Variants in ACSM2B observed in about 807,000 individuals in gnomAD.
ACSM2B encodes the protein acyl-CoA synthetase medium chain family member 2B.
ACSM2B carries 58 observed loss-of-function variants against 78.6 expected under a neutral mutation model. The ratio of observed to expected loss-of-function variants is 0.74; its 90% CI spans 0.60 to 0.92. The LOEUF is 0.92. Among genes scored for constraint, ACSM2B ranks in the 40% least tolerant of loss-of-function variants. The pLI, the probability that ACSM2B is intolerant of heterozygous loss-of-function variation, is 0.00. For missense variants in ACSM2B, 688 were observed against 711.2 expected (o/e 0.97, Z 0.37); for synonymous variants, 257 against 256.8 (o/e 1.00, Z -0.01).
intron 9 of ACSM2B, 117 bp downstream of exon 9, chr16:20,546,277 T>C (rs2015139470): frequency 6.9e-6 from 10 of 1,446,804 alleles, no homozygotes; most frequent in Middle Eastern, 3.7e-4. Context: ...TTTTTTCTGA[T>C]ATTATCTTAA....
intron 3 of ACSM2B, among the ~76,000 whole-genome samples, chr16:20,556,172 ATGC>A (rs1252740056): frequency 6.6e-6 from 1 of 152,168 alleles, no homozygotes; most frequent in African/African-American, 2.4e-5. Flanking sequence ...TGTGTTTAGC[ATGC>A]TGTACAATTT....
intron 3 of ACSM2B, among the ~76,000 whole-genome samples, chr16:20,558,027 G>A (rs1477349442): frequency 6.6e-6 from 1 of 152,164 alleles, no homozygotes; most frequent in Non-Finnish European, 1.5e-5. Context: ...GATTGAAACT[G>A]CCTTTGGAAA....
chr16:20,553,519 T>TAAAA (rs2015379647), intron 5 of ACSM2B, among the ~76,000 whole-genome samples: 2 of 152,220 alleles, frequency 1.3e-5, no homozygotes, highest in Non-Finnish European at 2.9e-5. Context: ...GTAAGCCTTT[T>TAAAA]GCTAATCATT....
At position 20,567,450 on chromosome 16, in the gene ACSM2B, T is replaced by G. The variant is rs190640479; in HGVS notation, c.-8-2597A>C. 4.7e-3 allele frequency among the ~76,000 whole-genome samples: 560 copies of G among 118,586 alleles called. 9 individuals are homozygous for G. The highest frequency in any genetic ancestry group is 0.033 in the South Asian group (145 of 4,424). The allele number at this position is 118,586 out of a possible 152,430, so 77.8% of individuals were successfully genotyped here. A position where few individuals can be genotyped will look rare whatever the true frequency, so the allele number is the denominator to read the frequency against. ...ATATTAATATATAATATATAGTATATTATTATATAACATATAATAATAGTA... is the reference window on the plus strand; with the variant it reads ...ATATTAATATATAATATATAGTATAGTATTATATAACATATAATAATAGTA... On this transcript the variant is annotated intron_variant, in intron 1 of 13. Coordinates refer to ENST00000329697, the MANE Select transcript of ACSM2B (RefSeq NM_001105069.2).
intron 6 of ACSM2B, among the ~76,000 whole-genome samples, chr16:20,548,964 T>C (rs1379795357): frequency 1.3e-5 from 2 of 152,234 alleles, no homozygotes; most frequent in Non-Finnish European, 2.9e-5. Context: ...AAGACATCTA[T>C]AGACATTTCA....
At chr16:20,567,493 A>AATATGTAAAAT (rs2015948366) in intron 1 of ACSM2B, among the ~76,000 whole-genome samples, 1 of 117,950 alleles carries the variant, frequency 8.5e-6, no homozygotes, top group Non-Finnish European at 1.6e-5. Flanking sequence ...ATATATAAAT[A>AATATGTAAAAT]ATATATAAAA....
intron 1 of ACSM2B, among the ~76,000 whole-genome samples, chr16:20,572,415 AGCTTGTAG>A (rs1287927375): frequency 2.2e-5 from 3 of 138,226 alleles, no homozygotes; most frequent in Non-Finnish European, 1.5e-5. Flanking sequence ...AATCCCTTCT[AGCTTGTAG>A]GATTTCTGCT....
intron 3 of ACSM2B, among the ~76,000 whole-genome samples, chr16:20,556,674 GC>G: frequency 6.6e-6 from 1 of 152,278 alleles, no homozygotes; most frequent in South Asian, 2.1e-4. Flanking sequence ...TAAACCACAT[GC>G]CCGTCCTGTT....
chr16:20,550,427 T>G (rs2015275598), intron 6 of ACSM2B, among the ~76,000 whole-genome samples: 1 of 152,156 alleles, frequency 6.6e-6, no homozygotes, highest in South Asian at 2.1e-4. Flanking sequence ...TCCTTAGTCT[T>G]TTCCACCCTA....
chr16:20,546,211 T>A (rs9929350), intron 9 of ACSM2B, among the ~76,000 whole-genome samples, 183 bp downstream of exon 9: 1 of 152,012 alleles, frequency 6.6e-6, no homozygotes, highest in African/African-American at 2.4e-5. Context: ...AAATCATTTC[T>A]CCTTTTCCTC....
chr16:20,554,681 G>A (rs1261786624), intron 4 of ACSM2B, among the ~76,000 whole-genome samples: 1 of 152,186 alleles, frequency 6.6e-6, no homozygotes, highest in Non-Finnish European at 1.5e-5. Flanking sequence ...GCCTCTCTTA[G>A]AGATACAAGA....
chr16:20,554,296 G>C (rs2015404640), intron 4 of ACSM2B: 2 of 386,852 alleles, frequency 5.2e-6, no homozygotes, highest in Admixed American at 7.7e-5. Context: ...GTTGTGAAGA[G>C]CCCTGGCATG....
At chr16:20,561,380 G>T (rs529246725) in intron 2 of ACSM2B, among the ~76,000 whole-genome samples, 1 of 151,120 alleles carries the variant, frequency 6.6e-6, no homozygotes, top group Admixed American at 6.6e-5. Context: ...CATGGAAGAA[G>T]GTGAGGGGGG....
At position 20,572,965 on chromosome 16, in the gene ACSM2B, A is replaced by C. The variant is rs541694830; in HGVS notation, c.-9+3242T>G. On this transcript the variant is annotated intron_variant, in intron 1 of 13. Transcript: ENST00000329697. ...TATTTCACTGAAGATTTCTCCCCTC[A>C]TAACTTGTATTTTTTTTTTTTTCCT... is the stretch of plus-strand genomic sequence containing the variant. 8.8e-5 allele frequency among the ~76,000 whole-genome samples: 12 copies of C among 137,142 alleles called. 1 individual carries two copies. The East Asian group carries it at 3.5e-3, about 40-fold the overall frequency. The allele number at this position is 137,142 out of a possible 152,430, so 90.0% of individuals were successfully genotyped here. A position where few individuals can be genotyped will look rare whatever the true frequency, so the allele number is the denominator to read the frequency against.
At chr16:20,565,884 C>G (rs2015811228) in intron 1 of ACSM2B, among the ~76,000 whole-genome samples, 1 of 151,856 alleles carries the variant, frequency 6.6e-6, no homozygotes. Context: ...CAATGTATAA[C>G]TTAGCTCCCA....
At chr16:20,543,420 C>G (rs1310928291) in intron 10 of ACSM2B, among the ~76,000 whole-genome samples, 158 bp from the exon 11 acceptor site, 2 of 152,230 alleles carry the variant, frequency 1.3e-5, no homozygotes, top group Non-Finnish European at 2.9e-5. Context: ...CAACCCTAGG[C>G]CACAGGCAGA....
chr16:20,567,578 T>C (rs1399881369), intron 1 of ACSM2B, among the ~76,000 whole-genome samples: 1 of 133,054 alleles, frequency 7.5e-6, no homozygotes, highest in Non-Finnish European at 1.6e-5. Flanking sequence ...TATATAAAAA[T>C]ATATAAATAA....
intron 1 of ACSM2B, among the ~76,000 whole-genome samples, chr16:20,566,417 A>G (rs1166802728): frequency 1.5e-5 from 2 of 131,448 alleles, no homozygotes; most frequent in Non-Finnish European, 3.2e-5. Context: ...TATATCATAT[A>G]TGGGTATTAT....
chr16:20,565,553 A>G (rs2015800522), intron 1 of ACSM2B, among the ~76,000 whole-genome samples: 1 of 152,148 alleles, frequency 6.6e-6, no homozygotes, highest in Admixed American at 6.6e-5. Flanking sequence ...AATGTTAACT[A>G]ATACAAGTAG....
Sources: gnomAD v4.1 joint callset for allele counts (sites outside exome capture counted in the v4.1 genomes callset) on GRCh38, gnomAD v4.1.1 for gene constraint, MANE v1.5 for transcripts, NCBI Gene and HGNC (gene_info 2026-07-23, HGNC 2026-07-21) for gene names.